The following CLDN16 variants were observed in gnomAD, a reference collection of about 807,000 sequenced individuals.
The protein encoded by CLDN16 is claudin-16.
Under a neutral mutation model 24.6 loss-of-function variants are expected in CLDN16, and 13 were observed. That is an observed-to-expected ratio of 0.53 (90% confidence interval 0.34 to 0.84). The LOEUF (loss-of-function observed/expected upper bound fraction) is 0.84, where lower values mean the gene tolerates loss of function less well. Among genes scored for constraint, CLDN16 ranks in the 40% least tolerant of loss-of-function variants. The pLI is 0.01. For missense variants in CLDN16, 298 were observed against 292.7 expected (o/e 1.02, Z -0.13); for synonymous variants, 116 against 106.7 (o/e 1.09, Z -0.54).
chr3:190,395,392 T>G (rs570766886), intron 1 of CLDN16, among the ~76,000 whole-genome samples: 1 of 152,070 alleles, frequency 6.6e-6, no homozygotes, highest in Non-Finnish European at 1.5e-5. Context: ...TATTTTAGTC[T>G]TGCTCCCTCA....
intron 1 of CLDN16, among the ~76,000 whole-genome samples, chr3:190,364,869 C>T (rs1717984198): frequency 6.6e-6 from 1 of 151,462 alleles, no homozygotes; most frequent in Non-Finnish European, 1.5e-5. Context: ...CGCCCCACGT[C>T]ACAGAGCCCC....
chr3:190,363,846 C>T (rs1326060240), intron 1 of CLDN16, among the ~76,000 whole-genome samples: 3 of 151,644 alleles, frequency 2.0e-5, no homozygotes, highest in Non-Finnish European at 1.5e-5. Flanking sequence ...TTCCTATTCT[C>T]TTTTTTCTCA....
At chr3:190,333,262 A>T (rs890775145) in intron 1 of CLDN16, among the ~76,000 whole-genome samples, 3 of 152,176 alleles carry the variant, frequency 2.0e-5, no homozygotes, top group African/African-American at 7.2e-5. Context: ...AGGAACTCTA[A>T]GGATCCACAA....
intron 1 of CLDN16, among the ~76,000 whole-genome samples, chr3:190,328,457 G>T (rs938380534): frequency 3.9e-5 from 6 of 152,114 alleles, no homozygotes; most frequent in African/African-American, 1.2e-4. Context: ...ACAGTGTTGT[G>T]AGGAGTAAAT....
chr3:190,314,106 G>T, the CLDN16 span, among the ~76,000 whole-genome samples: 1 of 152,108 alleles, frequency 6.6e-6, no homozygotes, highest in Non-Finnish European at 1.5e-5. Flanking sequence ...ACTTAGTATT[G>T]TTTGGAATAA....
chr3:190,404,995 G>T lies in CLDN16; in HGVS notation c.382+69G>T, dbSNP rs1021150645. On this transcript the variant is annotated intron_variant, in intron 3 of 4. Coordinates refer to ENST00000264734, the MANE Select transcript of CLDN16 (RefSeq NM_006580.4). ...CTAAGGGCTTGAGGTGAAGGAGAGA[G>T]TTGTGCTGAAGCTGCTCATTTTCGG... 29 of 1,498,112 alleles carry T rather than the reference G, an allele frequency of 1.9e-5. No individual in the cohort carries two copies. The African/African-American group carries it at 3.3e-4, about 17-fold the overall frequency. 92.8% of individuals were successfully genotyped at this position (1,498,112 alleles called of 1,614,324 possible).
At chr3:190,336,805 C>T (rs1376461497) in intron 1 of CLDN16, among the ~76,000 whole-genome samples, 1 of 152,248 alleles carries the variant, frequency 6.6e-6, no homozygotes, top group Non-Finnish European at 1.5e-5. Context: ...GAGACAAAAG[C>T]TGTTCGCCAA....
chr3:190,396,366 C>G lies in CLDN16; in HGVS notation c.115-5971C>G, dbSNP rs182083403. ...ATAATTTTTTGGCTTCTGGATTTAG[C>G]TGTTTTTGTTTATTTAGTCAAGTAG... On this transcript the variant is annotated intron_variant, in intron 1 of 4. Transcript: ENST00000264734. Among the ~76,000 whole-genome samples the G allele has an allele frequency of 3.7e-3, 566 of 152,264 alleles. 2 individuals carry two copies. Among genetic ancestry groups the G allele is most frequent in the African/African-American group, 0.013 (543 of 41,566 alleles).
At chr3:190,332,690 G>A (rs1262039441) in intron 1 of CLDN16, among the ~76,000 whole-genome samples, 1 of 151,952 alleles carries the variant, frequency 6.6e-6, no homozygotes, top group African/African-American at 2.4e-5. Flanking sequence ...ATACAGAATT[G>A]CTGTGTATTA....
intron 1 of CLDN16, among the ~76,000 whole-genome samples, chr3:190,357,434 C>T (rs1449481163): frequency 1.3e-5 from 2 of 151,876 alleles, no homozygotes; most frequent in South Asian, 2.1e-4. Flanking sequence ...AACATAACAA[C>T]TCTTTAACTC....
the CLDN16 span, chr3:190,308,244 G>A: frequency 6.2e-7 from 1 of 1,612,578 alleles, no homozygotes; most frequent in Non-Finnish European, 8.5e-7. Flanking sequence ...TTTTCGGTTT[G>A]TTTCAACATG....
At chr3:190,351,150 A>G (rs1049439074) in intron 1 of CLDN16, among the ~76,000 whole-genome samples, 1 of 151,642 alleles carries the variant, frequency 6.6e-6, no homozygotes, top group Non-Finnish European at 1.5e-5. Flanking sequence ...CATATAGATA[A>G]GTCTGTTCAT....
chr3:190,353,806 T>G (rs1717714872), intron 1 of CLDN16, among the ~76,000 whole-genome samples: 1 of 152,110 alleles, frequency 6.6e-6, no homozygotes, highest in Admixed American at 6.6e-5. Flanking sequence ...TGCCTGTTCT[T>G]AACATTATTC....
intron 2 of CLDN16, among the ~76,000 whole-genome samples, chr3:190,372,915 G>GAC (rs779139495): frequency 2.6e-5 from 4 of 151,754 alleles, no homozygotes; most frequent in Non-Finnish European, 4.4e-5. Context: ...CCTGACTATT[G>GAC]ACCCCAGCCA....
intron 3 of CLDN16, among the ~76,000 whole-genome samples, chr3:190,406,147 T>C (rs1256700852): frequency 6.6e-6 from 1 of 152,186 alleles, no homozygotes; most frequent in Non-Finnish European, 1.5e-5. Context: ...GAAGATGCAA[T>C]GTGGGCACAG....
chr3:190,400,073 C>T (rs1187153267), intron 1 of CLDN16, among the ~76,000 whole-genome samples: 1 of 152,116 alleles, frequency 6.6e-6, no homozygotes, highest in Non-Finnish European at 1.5e-5. Context: ...TGCACGAAAC[C>T]GGTCCCTGGT....
upstream of CLDN16, chr3:190,387,741 A>T (rs1241321342): frequency 3.5e-6 from 1 of 286,060 alleles, no homozygotes; most frequent in African/African-American, 2.2e-5. Context: ...TCTACGCAAC[A>T]CTTTGGAATG....
intron 1 of CLDN16, among the ~76,000 whole-genome samples, chr3:190,341,902 G>T (rs1054900119): frequency 6.6e-6 from 1 of 152,126 alleles, no homozygotes; most frequent in Non-Finnish European, 1.5e-5. Context: ...CTAGGGCAGG[G>T]ACAAAATGCT....
chr3:190,408,974 T>C (rs2108520385), intron 4 of CLDN16, among the ~76,000 whole-genome samples: 1 of 150,752 alleles, frequency 6.6e-6, no homozygotes, highest in East Asian at 2.0e-4. Flanking sequence ...TATACATATA[T>C]GTATAATTGT....
Sources: gnomAD v4.1 joint callset for allele counts (sites outside exome capture counted in the v4.1 genomes callset) on GRCh38, gnomAD v4.1.1 for gene constraint, MANE v1.5 for transcripts, NCBI Gene and HGNC (gene_info 2026-07-23, HGNC 2026-07-21) for gene names.